The following PEAK1 variants were observed in gnomAD, a reference collection of about 807,000 sequenced individuals.
PEAK1 encodes inactive tyrosine-protein kinase PEAK1.
PEAK1 carries 54 observed loss-of-function variants against 124.7 expected under a neutral mutation model. The ratio of observed to expected loss-of-function variants is 0.43; its 90% CI spans 0.35 to 0.54. The LOEUF (loss-of-function observed/expected upper bound fraction) is 0.54. Among genes scored for constraint, PEAK1 ranks in the 20% least tolerant of loss-of-function variants. The probability of loss-of-function intolerance (pLI) is 0.01; values close to 1 mark genes in which losing one functional copy is unlikely to be tolerated. For missense variants in PEAK1, 2,046 were observed against 2,134.5 expected (o/e 0.96, Z 0.82); for synonymous variants, 719 against 760.0 (o/e 0.95, Z 0.89).
At chr15:77,333,907 A>G (rs1325188060) in intron 2 of PEAK1, 1 of 415,160 alleles carries the variant, frequency 2.4e-6, no homozygotes, top group Admixed American at 6.4e-5. Flanking sequence ...TTTCAGACCA[A>G]TTTTGTTAAA....
At chr15:77,136,937 C>T (rs2053385833) in intron 8 of PEAK1, among the ~76,000 whole-genome samples, 1 of 152,196 alleles carries the variant, frequency 6.6e-6, no homozygotes, top group South Asian at 2.1e-4. Flanking sequence ...GTGGGCCAGG[C>T]CCAGGGTCCC....
At chr15:77,386,323 G>A (rs1379542095) in intron 1 of PEAK1, among the ~76,000 whole-genome samples, 1 of 152,090 alleles carries the variant, frequency 6.6e-6, no homozygotes, top group Non-Finnish European at 1.5e-5. Flanking sequence ...TCCTAAGAAT[G>A]GCTCTATGTA....
At chr15:77,290,774 C>T (rs2063173012) in intron 2 of PEAK1, among the ~76,000 whole-genome samples, 1 of 151,988 alleles carries the variant, frequency 6.6e-6, no homozygotes, top group African/African-American at 2.4e-5. Flanking sequence ...GGCTGGATAA[C>T]TACTCTTGAT....
intron 7 of PEAK1, among the ~76,000 whole-genome samples, chr15:77,175,851 C>T (rs1446717756): frequency 6.6e-6 from 1 of 152,180 alleles, no homozygotes; most frequent in Non-Finnish European, 1.5e-5. Context: ...TTGGAACCAA[C>T]CCAAATGTCC....
At chr15:77,352,769 C>T (rs1362923706) in intron 2 of PEAK1, 3 of 972,070 alleles carry the variant, frequency 3.1e-6, no homozygotes, top group African/African-American at 1.8e-5. Context: ...GACAGACATA[C>T]AAAAGTCAGG....
chr15:77,324,902 G>A (rs1350330964), intron 2 of PEAK1, among the ~76,000 whole-genome samples: 1 of 152,098 alleles, frequency 6.6e-6, no homozygotes, highest in Non-Finnish European at 1.5e-5. Context: ...AGATTTGGAT[G>A]GGGACACAGA....
At chr15:77,125,917 G>GAAC (rs1566997711) in intron 9 of PEAK1, among the ~76,000 whole-genome samples, 1 of 151,992 alleles carries the variant, frequency 6.6e-6, no homozygotes, top group Non-Finnish European at 1.5e-5. Flanking sequence ...CCCAGGAGAA[G>GAAC]AGCAGTCCAG....
intron 9 of PEAK1, among the ~76,000 whole-genome samples, chr15:77,128,930 G>A (rs1437095567): frequency 1.3e-5 from 2 of 152,200 alleles, no homozygotes; most frequent in Middle Eastern, 3.2e-3. Flanking sequence ...GATATTCTGA[G>A]GCAGGATGGG....
intron 7 of PEAK1, among the ~76,000 whole-genome samples, chr15:77,176,277 GAAA>G (rs71211213): frequency 2.9e-5 from 3 of 103,326 alleles, no homozygotes; most frequent in Non-Finnish European, 6.3e-5. Flanking sequence ...AAAAAGAAAA[GAAA>G]AAAAAAAAGA....
Position 77,278,943 on chromosome 15 carries a change from T to C in PEAK1, c.-275+4940A>G, listed in dbSNP as rs1319138687. Reference sequence around the variant, plus strand: ...CGCCTCCTGGGTTCAAGCCATTCTCTAGCCTCAGCCTCCCGAGTAGCTGGG... The same window carrying C: ...CGCCTCCTGGGTTCAAGCCATTCTCCAGCCTCAGCCTCCCGAGTAGCTGGG... On this transcript the variant is annotated intron_variant, in intron 5 of 9. Coordinates refer to ENST00000682557, the MANE Select transcript of PEAK1 (RefSeq NM_001385026.1). 6.7e-5 allele frequency among the ~76,000 whole-genome samples: 10 copies of C among 149,514 alleles called. No homozygotes were observed. The Admixed American group carries it at 6.7e-4, about 10-fold the overall frequency.
intron 6 of PEAK1, among the ~76,000 whole-genome samples, chr15:77,206,582 G>A (rs1300383227): frequency 6.6e-6 from 1 of 151,834 alleles, no homozygotes; most frequent in Non-Finnish European, 1.5e-5. Flanking sequence ...AGCCAGTGAT[G>A]ATGAGCATTT....
At chr15:77,417,587 T>C in intron 1 of PEAK1, 1 of 985,436 alleles carries the variant, frequency 1.0e-6, no homozygotes, top group Non-Finnish European at 1.2e-6. Flanking sequence ...TGGAGCCTTG[T>C]ACTCACACTT....
chr15:77,360,759 A>G (rs919947119), intron 2 of PEAK1, among the ~76,000 whole-genome samples: 1 of 151,860 alleles, frequency 6.6e-6, no homozygotes, highest in Non-Finnish European at 1.5e-5. Context: ...TAATGTAAAT[A>G]TACATTTATA....
intron 2 of PEAK1, among the ~76,000 whole-genome samples, chr15:77,317,033 A>G (rs962124108): frequency 3.9e-5 from 6 of 152,290 alleles, no homozygotes; most frequent in Middle Eastern, 3.4e-3. Flanking sequence ...GTGAACCAAG[A>G]TGGCACCACT....
At chr15:77,329,892 A>T (rs942122751) in intron 2 of PEAK1, among the ~76,000 whole-genome samples, 2 of 152,194 alleles carry the variant, frequency 1.3e-5, no homozygotes, top group Non-Finnish European at 2.9e-5. Context: ...GGGGGAAAAA[A>T]GTGTAATTTC....
chr15:77,167,538 A>G (rs1051867620), intron 7 of PEAK1, among the ~76,000 whole-genome samples: 2 of 152,220 alleles, frequency 1.3e-5, no homozygotes, highest in African/African-American at 2.4e-5. Context: ...TGTGATTTTT[A>G]TAAGTGCTGA....
chr15:77,266,917 C>T (rs1247796786), intron 5 of PEAK1, among the ~76,000 whole-genome samples: 1 of 150,676 alleles, frequency 6.6e-6, no homozygotes, highest in East Asian at 2.0e-4. Context: ...AGTGGGGAGG[C>T]TTGTAGCCTG....
intron 2 of PEAK1, among the ~76,000 whole-genome samples, chr15:77,344,928 C>A (rs1014577670): frequency 1.3e-5 from 2 of 152,138 alleles, no homozygotes; most frequent in African/African-American, 2.4e-5. Context: ...TGTTTTAATT[C>A]GAACCTGTTT....
chr15:77,164,995 C>T (rs1453365148), intron 7 of PEAK1, among the ~76,000 whole-genome samples: 1 of 151,984 alleles, frequency 6.6e-6, no homozygotes, highest in Non-Finnish European at 1.5e-5. Flanking sequence ...CCTCTGCTTC[C>T]CAGGTTCAAG....
Sources: gnomAD v4.1 joint callset for allele counts (sites outside exome capture counted in the v4.1 genomes callset) on GRCh38, gnomAD v4.1.1 for gene constraint, MANE v1.5 for transcripts, NCBI Gene and HGNC (gene_info 2026-07-23, HGNC 2026-07-21) for gene names.